Variants in ANKH observed in about 807,000 individuals in gnomAD.
ANKH encodes ANKH inorganic pyrophosphate transport regulator.
In ANKH, 15 loss-of-function variants were observed where a neutral mutation model predicts 49.0. The ratio of observed to expected loss-of-function variants is 0.31; its 90% CI spans 0.20 to 0.47. The LOEUF is 0.47. Among genes scored for constraint, ANKH ranks in the 20% least tolerant of loss-of-function variants. The pLI, the probability that ANKH is intolerant of heterozygous loss-of-function variation, is 1.00. For missense variants in ANKH, 429 were observed against 652.0 expected, an observed-to-expected ratio of 0.66 and a Z score of 3.72; for synonymous variants, 273 against 260.0, an observed-to-expected ratio of 1.05 and a Z score of -0.48.
chr5:14,706,105 G>A lies in ANKH; in HGVS notation c.*5092C>T, dbSNP rs1285440644. 6.6e-6 allele frequency: 1 copy of A among 152,176 alleles called. No individual in the cohort carries two copies. The highest frequency in any genetic ancestry group is 2.4e-5 in the African/African-American group (1 of 41,438). The allele number at this position is 152,176 out of a possible 1,614,324, so 9.4% of individuals were successfully genotyped here. ...TTAAACTCTTGGAGAGAGAAAGGGT[G>A]CCTAGTTCTTGTGTGCTTTTGTTTA... is the stretch of plus-strand genomic sequence containing the variant. On this transcript the variant is annotated 3_prime_UTR_variant, in exon 12 of 12. Coordinates refer to ENST00000284268, the MANE Select transcript of ANKH (RefSeq NM_054027.6).
intron 1 of ANKH, among the ~76,000 whole-genome samples, chr5:14,849,579 A>G (rs1742068315): frequency 6.6e-6 from 1 of 152,190 alleles, no homozygotes; most frequent in South Asian, 2.1e-4. Context: ...ATGATATACA[A>G]TAGACACATA....
At chr5:14,724,437 T>A (rs1291679728) in intron 8 of ANKH, 1 of 467,070 alleles carries the variant, frequency 2.1e-6, no homozygotes, top group Non-Finnish European at 2.8e-6. Flanking sequence ...AATCTGTGTA[T>A]CAATGGGCTA....
chr5:14,774,060 G>A (rs1339688321), intron 1 of ANKH, among the ~76,000 whole-genome samples: 1 of 152,206 alleles, frequency 6.6e-6, no homozygotes, highest in Non-Finnish European at 1.5e-5. Context: ...AAAAGCTGCA[G>A]AATTGAGGAC....
chr5:14,853,662 TTTTG>T (rs958892671), intron 1 of ANKH, among the ~76,000 whole-genome samples: 7 of 152,166 alleles, frequency 4.6e-5, no homozygotes, highest in Admixed American at 2.0e-4. Flanking sequence ...TGTGGGTTTT[TTTTG>T]TTTGTTTGTT....
chr5:14,713,670 G>A lies in ANKH; in HGVS notation c.1142-3C>T. On this transcript the variant is annotated splice_polypyrimidine_tract_variant and splice_region_variant and intron_variant, in intron 9 of 11. Transcript: ENST00000284268. This position sits in a 1 kb window ranked among gnomAD's most constrained non-coding sequence, Gnocchi z 4.4. ...GGTGAGATGCGCCCTCACTGTGACT[G>A]TTGGGAGGAGCAAAGGACTCGTCAG... is the stretch of plus-strand genomic sequence containing the variant. 1 of 1,613,850 alleles carries A rather than the reference G, an allele frequency of 6.2e-7. No homozygotes were observed. The highest frequency in any genetic ancestry group is 8.5e-7 in the Non-Finnish European group (1 of 1,180,000).
chr5:14,842,918 GAGA>G (rs1561080066), intron 1 of ANKH, among the ~76,000 whole-genome samples: 1 of 152,202 alleles, frequency 6.6e-6, no homozygotes, highest in Non-Finnish European at 1.5e-5. Context: ...AATTCCTAGA[GAGA>G]AGATCTGTTC....
At chr5:14,749,787 G>A (rs1191247996) in intron 5 of ANKH, among the ~76,000 whole-genome samples, 2 of 152,220 alleles carry the variant, frequency 1.3e-5, no homozygotes, top group African/African-American at 2.4e-5. Flanking sequence ...TGACTACAGA[G>A]GTTCTTATTC....
At chr5:14,806,321 T>TAA (rs34217627) in intron 1 of ANKH, among the ~76,000 whole-genome samples, 1,778 of 147,840 alleles carry the variant, frequency 0.012, 36 homozygotes, top group African/African-American at 0.041. Context: ...TTTGGGTGGG[T>TAA]AAAAAAAAAA....
At chr5:14,801,270 A>T (rs576184349) in intron 1 of ANKH, among the ~76,000 whole-genome samples, 4 of 152,294 alleles carry the variant, frequency 2.6e-5, no homozygotes, top group African/African-American at 9.6e-5. Flanking sequence ...TTGATCTTTA[A>T]GTCCTTAAAT....
intron 1 of ANKH, among the ~76,000 whole-genome samples, chr5:14,866,297 C>T (rs1277335780): frequency 1.3e-5 from 2 of 152,182 alleles, no homozygotes; most frequent in Non-Finnish European, 2.9e-5. Flanking sequence ...TGAGCCACCG[C>T]GCCTGGCACC....
At chr5:14,847,195 T>C (rs901779300) in intron 1 of ANKH, among the ~76,000 whole-genome samples, 1 of 152,130 alleles carries the variant, frequency 6.6e-6, no homozygotes, top group African/African-American at 2.4e-5. Flanking sequence ...TTTATTATTT[T>C]CATCCATATT....
chr5:14,836,738 T>C (rs866889949), intron 1 of ANKH, among the ~76,000 whole-genome samples: 2,077 of 152,048 alleles, frequency 0.014, 41 homozygotes, highest in African/African-American at 0.047. Context: ...AAGCTACCAA[T>C]GACTTTCTTC....
intron 4 of ANKH, among the ~76,000 whole-genome samples, chr5:14,754,722 A>G (rs1319662287): frequency 6.6e-6 from 1 of 152,186 alleles, no homozygotes; most frequent in Non-Finnish European, 1.5e-5. Context: ...CGATTATTTC[A>G]AGAAGGTGGC....
At chr5:14,793,009 TATATATATATAA>T (rs1211183487) in intron 1 of ANKH, among the ~76,000 whole-genome samples, 1 of 42,532 alleles carries the variant, frequency 2.4e-5, no homozygotes, top group Non-Finnish European at 5.0e-5. Context: ...TATATATAAA[TATATATATATAA>T]ATATATATAT....
chr5:14,774,707 T>C (rs1334698829), intron 1 of ANKH, among the ~76,000 whole-genome samples: 2 of 152,226 alleles, frequency 1.3e-5, no homozygotes, highest in East Asian at 3.9e-4. Flanking sequence ...CCTAACATAG[T>C]ATCACATCTT....
At position 14,813,630 on chromosome 5, in the gene ANKH, T is replaced by C. The variant is rs181156852; in HGVS notation, c.97-44439A>G. ...ACCTTCAATGCCTGGATCCTTACTG[T>C]AGCCCCTGCCCACGGCGTCTATCAG... On this transcript the variant is annotated intron_variant, in intron 1 of 11. Coordinates refer to ENST00000284268, the MANE Select transcript of ANKH (RefSeq NM_054027.6). 3.3e-4 allele frequency among the ~76,000 whole-genome samples: 51 copies of C among 152,304 alleles called. 1 individual carries two copies. Among genetic ancestry groups the C allele is most frequent in the African/African-American group, 1.2e-3 (48 of 41,564 alleles).
At chr5:14,775,691 A>G (rs1268136223) in intron 1 of ANKH, among the ~76,000 whole-genome samples, 1 of 152,160 alleles carries the variant, frequency 6.6e-6, no homozygotes, top group Non-Finnish European at 1.5e-5. Flanking sequence ...AGGGCTTAGT[A>G]TATTTAAGGA....
At position 14,713,448 on chromosome 5, in the gene ANKH, C is replaced by T; in HGVS notation, c.1265+96G>A. 1 of 1,519,576 alleles carries T rather than the reference C, an allele frequency of 6.6e-7. No homozygotes were observed. The highest frequency in any genetic ancestry group is 2.4e-5 in the East Asian group (1 of 41,980). The allele number at this position is 1,519,576 out of a possible 1,614,324, so 94.1% of individuals were successfully genotyped here. A position where few individuals can be genotyped will look rare whatever the true frequency, so the allele number is the denominator to read the frequency against. On this transcript the variant is annotated intron_variant, in intron 10 of 11. Coordinates refer to ENST00000284268, the MANE Select transcript of ANKH (RefSeq NM_054027.6). The surrounding 1 kb of genome is among the most constrained non-coding windows in gnomAD (Gnocchi z 4.4). ...TTCTGAATTTCCGATTCTAGACGTG[C>T]CTGGGGATTTCCCCTGAAAATGTAG... is the stretch of plus-strand genomic sequence containing the variant.
chr5:14,754,333 GTTTT>G (rs70964567), intron 4 of ANKH, among the ~76,000 whole-genome samples: 1 of 132,846 alleles, frequency 7.5e-6, no homozygotes. Context: ...AAAGTTAAGA[GTTTT>G]TTTTTTTTTT....
Sources: gnomAD v4.1 joint callset for allele counts (sites outside exome capture counted in the v4.1 genomes callset) on GRCh38, gnomAD v4.1.1 for gene constraint, Gnocchi (gnomAD v3.1) non-coding constraint, MANE v1.5 for transcripts, NCBI Gene and HGNC (gene_info 2026-07-23, HGNC 2026-07-21) for gene names.